Variants in CERS6 observed in about 807,000 individuals in gnomAD.
The protein encoded by CERS6 is ceramide synthase 6.
A neutral mutation model predicts 56.8 loss-of-function variants in CERS6; 26 were observed. The observed-to-expected ratio is 0.46, with a 90% CI of 0.34 to 0.63. CERS6 has a LOEUF of 0.63. Ranked by LOEUF, CERS6 falls within the 30% of genes least tolerant of loss-of-function variation. CERS6 has a pLI of 0.01. For missense variants in CERS6, 415 were observed against 467.5 expected, an observed-to-expected ratio of 0.89 and a Z score of 1.04; for synonymous variants, 164 against 173.3, an observed-to-expected ratio of 0.95 and a Z score of 0.42.
In CERS6 at chr2:168,645,089, TTAAAAAAAAAA is replaced by T. The variant is rs1474600761; in HGVS notation, c.465+14048_465+14058del. 4.4e-3 allele frequency among the ~76,000 whole-genome samples: 45 copies of T among 10,290 alleles called. 6 individuals are homozygous for T. Among genetic ancestry groups the T allele is most frequent in the African/African-American group, 9.3e-3 (42 of 4,536 alleles). The allele number at this position is 10,290 out of a possible 152,430, so 6.8% of individuals were successfully genotyped here. On this transcript the variant is annotated intron_variant, in intron 4 of 9. Coordinates refer to ENST00000305747, the MANE Select transcript of CERS6 (RefSeq NM_203463.3). ...CTGGGTGACAGAGCGAGACTGCATC[TTAAAAAAAAAA>T]AAAAAAAAAAAAAAAAATATATATA...
chr2:168,478,631 C>T (rs1232896370), intron 1 of CERS6, among the ~76,000 whole-genome samples: 1 of 152,172 alleles, frequency 6.6e-6, no homozygotes, highest in Non-Finnish European at 1.5e-5. Context: ...TGGGCATCAC[C>T]AGGTGATTCT....
chr2:168,627,541 A>G (rs1206299869), intron 3 of CERS6, among the ~76,000 whole-genome samples: 1 of 152,002 alleles, frequency 6.6e-6, no homozygotes, highest in Non-Finnish European at 1.5e-5. Flanking sequence ...GAGAACTGTA[A>G]GACCAACTGG....
chr2:168,765,003 GA>G (rs1684689586), intron 8 of CERS6, among the ~76,000 whole-genome samples: 1 of 152,120 alleles, frequency 6.6e-6, no homozygotes, highest in African/African-American at 2.4e-5. Flanking sequence ...GATAAAATAT[GA>G]CTTATACGTA....
chr2:168,472,201 T>G (rs1693989637), intron 1 of CERS6, among the ~76,000 whole-genome samples: 2 of 152,252 alleles, frequency 1.3e-5, no homozygotes, highest in South Asian at 4.1e-4. Context: ...AGCAGACTTT[T>G]TATTCTCCCT....
intron 1 of CERS6, among the ~76,000 whole-genome samples, chr2:168,497,821 A>G (rs1694500004): frequency 6.6e-6 from 1 of 152,146 alleles, no homozygotes; most frequent in Non-Finnish European, 1.5e-5. Context: ...TGCTGCATAG[A>G]GGGGAGATGC....
chr2:168,548,622 T>G (rs1252687561), intron 2 of CERS6, among the ~76,000 whole-genome samples: 2 of 152,250 alleles, frequency 1.3e-5, no homozygotes, highest in African/African-American at 4.8e-5. Flanking sequence ...TTCCAAGATG[T>G]GATTTGACAG....
At chr2:168,642,683 C>G (rs528256830) in intron 4 of CERS6, among the ~76,000 whole-genome samples, 1 of 152,292 alleles carries the variant, frequency 6.6e-6, no homozygotes, top group South Asian at 2.1e-4. Flanking sequence ...ATGAAAGTTG[C>G]AGAATGGAGC....
intron 3 of CERS6, among the ~76,000 whole-genome samples, chr2:168,609,980 T>TTTC (rs1175135670): frequency 7.0e-6 from 1 of 142,562 alleles, no homozygotes; most frequent in Non-Finnish European, 1.5e-5. Flanking sequence ...GACTGTTTTT[T>TTTC]TTTTTTTTTT....
intron 3 of CERS6, among the ~76,000 whole-genome samples, chr2:168,580,605 CTT>C (rs760217269): frequency 1.3e-5 from 2 of 152,118 alleles, no homozygotes; most frequent in Non-Finnish European, 2.9e-5. Context: ...ATATTTACCA[CTT>C]TTTTTGTTTT....
At chr2:168,524,612 C>T (rs1695038279) in intron 1 of CERS6, among the ~76,000 whole-genome samples, 1 of 152,096 alleles carries the variant, frequency 6.6e-6, no homozygotes, top group Non-Finnish European at 1.5e-5. Flanking sequence ...CTGTAGCACT[C>T]AGGGGGTTGG....
chr2:168,663,905 T>C (rs1685693954), intron 4 of CERS6, among the ~76,000 whole-genome samples: 1 of 152,196 alleles, frequency 6.6e-6, no homozygotes, highest in Non-Finnish European at 1.5e-5. Flanking sequence ...AAATGGCTGC[T>C]CTTCACTGCT....
intron 1 of CERS6, among the ~76,000 whole-genome samples, chr2:168,472,314 A>C (rs12692882): frequency 0.021 from 3,265 of 152,336 alleles, 108 homozygotes; most frequent in African/African-American, 0.075. Context: ...TAATCAGAAC[A>C]GAGATCAAGG....
At chr2:168,593,262 A>G (rs1574086722) in intron 3 of CERS6, among the ~76,000 whole-genome samples, 1 of 152,184 alleles carries the variant, frequency 6.6e-6, no homozygotes, top group South Asian at 2.1e-4. Context: ...GTGTAAGGTA[A>G]TATGCTTACA....
At chr2:168,733,592 A>T (rs1020449125) in intron 8 of CERS6, among the ~76,000 whole-genome samples, 1 of 152,202 alleles carries the variant, frequency 6.6e-6, no homozygotes, top group Non-Finnish European at 1.5e-5. Flanking sequence ...CAGTTACTAG[A>T]GCCGTCATTT....
chr2:168,774,679 G>A lies in CERS6; in HGVS notation c.*5017G>A, dbSNP rs939686321. Reference sequence around the variant, plus strand: ...AGAAATGAGTTATGGAATAGGAACAGTTATGTGATGATTCTGAAACTTTAA... The same window carrying A: ...AGAAATGAGTTATGGAATAGGAACAATTATGTGATGATTCTGAAACTTTAA... On this transcript the variant is annotated 3_prime_UTR_variant, in exon 10 of 10. Coordinates refer to ENST00000305747, the MANE Select transcript of CERS6 (RefSeq NM_203463.3). 2 of 151,812 alleles carry A rather than the reference G, an allele frequency of 1.3e-5. No individual in the cohort carries two copies. Among genetic ancestry groups the A allele is most frequent in the Non-Finnish European group, 2.9e-5 (2 of 68,006 alleles). 9.4% of individuals were successfully genotyped at this position (151,812 alleles called of 1,614,324 possible). A position where few individuals can be genotyped will look rare whatever the true frequency, so the allele number is the denominator to read the frequency against.
At chr2:168,646,220 A>C (rs1158913724) in intron 4 of CERS6, among the ~76,000 whole-genome samples, 4 of 152,200 alleles carry the variant, frequency 2.6e-5, no homozygotes, top group Non-Finnish European at 5.9e-5. Context: ...TTGACTTTTC[A>C]AAAACAGCTA....
intron 8 of CERS6, among the ~76,000 whole-genome samples, chr2:168,754,455 A>G (rs1684363423): frequency 6.6e-6 from 1 of 152,182 alleles, no homozygotes; most frequent in South Asian, 2.1e-4. Flanking sequence ...TGTGGTAGAG[A>G]AGTCTCACAA....
chr2:168,632,339 G>T (rs1684766746), intron 4 of CERS6, among the ~76,000 whole-genome samples: 1 of 152,118 alleles, frequency 6.6e-6, no homozygotes, highest in Non-Finnish European at 1.5e-5. Context: ...ATATTGACAT[G>T]GAAATTTTAA....
intron 9 of CERS6, chr2:168,766,436 G>A: frequency 8.6e-7 from 1 of 1,160,598 alleles, no homozygotes; most frequent in Non-Finnish European, 1.3e-6. Context: ...CACGCATATT[G>A]TTCTGTCTAA....
Sources: allele counts gnomAD v4.1 joint callset (sites outside exome capture counted in the v4.1 genomes callset), GRCh38; gene constraint gnomAD v4.1.1; transcripts MANE v1.5; gene names NCBI Gene and HGNC (gene_info 2026-07-23, HGNC 2026-07-21).